WWOX: variants seen among roughly 807,000 people sequenced by gnomAD.
The protein encoded by WWOX is WW domain-containing oxidoreductase.
In WWOX, 69 loss-of-function variants were observed where a neutral mutation model predicts 46.2. The ratio of observed to expected loss-of-function variants is 1.49; its 90% confidence interval spans 1.23 to 1.82. WWOX has a LOEUF of 1.82. Ranked by LOEUF, WWOX falls within the 40% of genes most tolerant of loss-of-function variation. The pLI is 0.00. For missense variants in WWOX, 919 were observed against 542.6 expected (o/e 1.69, Z -6.89); for synonymous variants, 359 against 202.6 (o/e 1.77, Z -6.56).
chr16:78,212,016 A>G (rs565295225), intron 5 of WWOX, among the ~76,000 whole-genome samples: 12 of 152,288 alleles, frequency 7.9e-5, no homozygotes, highest in South Asian at 4.1e-4. Flanking sequence ...ATTTATTTGA[A>G]CATCTTCTTT....
At chr16:79,146,715 G>A (rs1286885854) in intron 8 of WWOX, among the ~76,000 whole-genome samples, 1 of 152,134 alleles carries the variant, frequency 6.6e-6, no homozygotes, top group Non-Finnish European at 1.5e-5. Flanking sequence ...GAAGTTTTGA[G>A]AATTAGGTGG....
At chr16:78,160,224 C>T (rs891342917) in intron 4 of WWOX, among the ~76,000 whole-genome samples, 1 of 151,806 alleles carries the variant, frequency 6.6e-6, no homozygotes, top group Non-Finnish European at 1.5e-5. Context: ...ACTCTGTCAC[C>T]CAGGCTGGAG....
intron 5 of WWOX, among the ~76,000 whole-genome samples, chr16:78,229,999 C>T (rs1671106248): frequency 6.6e-6 from 1 of 152,110 alleles, no homozygotes; most frequent in South Asian, 2.1e-4. Flanking sequence ...TCTGCAACAG[C>T]CTCCCTAGTA....
At chr16:78,742,427 A>C (rs2049251777) in intron 8 of WWOX, among the ~76,000 whole-genome samples, 1 of 152,104 alleles carries the variant, frequency 6.6e-6, no homozygotes, top group African/African-American at 2.4e-5. Flanking sequence ...GTGCAAATGG[A>C]GATAATAGTC....
intron 8 of WWOX, among the ~76,000 whole-genome samples, chr16:79,029,228 G>A (rs906635615): frequency 1.5e-4 from 23 of 152,148 alleles, no homozygotes; most frequent in Non-Finnish European, 1.2e-4. Context: ...ACCCCGTCAC[G>A]GCTGGGCCTA....
At chr16:79,077,603 C>G (rs369547190) in intron 8 of WWOX, 1 of 150,388 alleles carries the variant, frequency 6.6e-6, no homozygotes, top group East Asian at 2.0e-4. Context: ...TCCATTGTTG[C>G]TGAAAGGGCC....
intron 8 of WWOX, among the ~76,000 whole-genome samples, chr16:78,935,000 A>G (rs1465635311): frequency 6.6e-6 from 1 of 152,220 alleles, no homozygotes; most frequent in African/African-American, 2.4e-5. Context: ...GACACATGAA[A>G]AAATGCTCAT....
At chr16:78,434,806 C>T (rs77332198) in intron 8 of WWOX, among the ~76,000 whole-genome samples, 1 of 151,910 alleles carries the variant, frequency 6.6e-6, no homozygotes, top group African/African-American at 2.4e-5. Flanking sequence ...GTTGTAGACT[C>T]GAATGGATGA....
chr16:78,793,448 A>G (rs1476633056), intron 8 of WWOX, among the ~76,000 whole-genome samples: 1 of 152,164 alleles, frequency 6.6e-6, no homozygotes, highest in African/African-American at 2.4e-5. Flanking sequence ...TTGAACATTG[A>G]CTTTCCTCAT....
At chr16:78,959,252 G>A (rs1276876931) in intron 8 of WWOX, among the ~76,000 whole-genome samples, 1 of 152,144 alleles carries the variant, frequency 6.6e-6, no homozygotes, top group East Asian at 1.9e-4. Context: ...TACAGACTTA[G>A]AAATAAGGGC....
At chr16:79,098,465 T>C (rs1210950829) in intron 8 of WWOX, among the ~76,000 whole-genome samples, 1 of 152,212 alleles carries the variant, frequency 6.6e-6, no homozygotes, top group Non-Finnish European at 1.5e-5. Context: ...AAGAACTGTC[T>C]GGAAAGAAAA....
chr16:78,739,829 C>A (rs111825214), intron 8 of WWOX, among the ~76,000 whole-genome samples: 1 of 151,942 alleles, frequency 6.6e-6, no homozygotes, highest in African/African-American at 2.4e-5. Flanking sequence ...AACAAACAAA[C>A]AAACAAAAAC....
At chr16:78,635,052 C>T (rs2046535104) in intron 8 of WWOX, among the ~76,000 whole-genome samples, 1 of 152,120 alleles carries the variant, frequency 6.6e-6, no homozygotes, top group South Asian at 2.1e-4. Context: ...CCCTGCGGGA[C>T]ATATTTCCCC....
intron 8 of WWOX, among the ~76,000 whole-genome samples, chr16:79,002,213 CTTTTTTTT>C (rs67180105): frequency 4.8e-5 from 2 of 41,302 alleles, no homozygotes; most frequent in Non-Finnish European, 8.2e-5. Flanking sequence ...GGTGTCCTGC[CTTTTTTTT>C]TTTTTTTTTT....
intron 8 of WWOX, among the ~76,000 whole-genome samples, chr16:78,524,280 C>G (rs73579000): frequency 2.0e-5 from 3 of 152,310 alleles, no homozygotes; most frequent in Admixed American, 6.5e-5. Context: ...CCATGATGAG[C>G]AATACTCTTT....
intron 8 of WWOX, among the ~76,000 whole-genome samples, chr16:78,603,981 G>A (rs2045685183): frequency 6.6e-6 from 1 of 151,808 alleles, no homozygotes; most frequent in Admixed American, 6.6e-5. Context: ...TCTACTACAA[G>A]ACATAGAAGA....
intron 8 of WWOX, among the ~76,000 whole-genome samples, chr16:79,078,775 A>G (rs2048706508): frequency 6.6e-6 from 1 of 152,196 alleles, no homozygotes. Context: ...GAATGTCTTC[A>G]CTTCTCTTGG....
chr16:78,957,166 T>C (rs1307477430), intron 8 of WWOX, among the ~76,000 whole-genome samples: 1 of 152,214 alleles, frequency 6.6e-6, no homozygotes, highest in Non-Finnish European at 1.5e-5. Context: ...CTGAGGTATC[T>C]GCCCTTAAAG....
intron 8 of WWOX, among the ~76,000 whole-genome samples, chr16:79,146,087 T>G (rs969803072): frequency 1.3e-5 from 2 of 152,216 alleles, no homozygotes; most frequent in African/African-American, 4.8e-5. Context: ...TCAAGTAAAG[T>G]AACATGCTGT....
Sources: allele counts gnomAD v4.1 joint callset (sites outside exome capture counted in the v4.1 genomes callset), GRCh38; gene constraint gnomAD v4.1.1; transcripts MANE v1.5; gene names NCBI Gene and HGNC (gene_info 2026-07-23, HGNC 2026-07-21).